RAB27B: variants seen among roughly 807,000 people sequenced by gnomAD.
RAB27B encodes the protein ras-related protein Rab-27B.
RAB27B carries 15 observed loss-of-function variants against 24.6 expected under a neutral mutation model. The ratio of observed to expected loss-of-function variants is 0.61; its 90% CI spans 0.41 to 0.94. The LOEUF (loss-of-function observed/expected upper bound fraction) is 0.94, where lower values mean the gene tolerates loss of function less well. Ranked by LOEUF, RAB27B falls within the 40% of genes least tolerant of loss-of-function variation. The pLI, the probability that RAB27B is intolerant of heterozygous loss-of-function variation, is 0.00. For missense variants in RAB27B, 261 were observed against 266.8 expected (o/e 0.98, Z 0.15); for synonymous variants, 105 against 92.5 (o/e 1.14, Z -0.78).
intron 3 of RAB27B, among the ~76,000 whole-genome samples, chr18:54,883,136 C>T (rs1370690675): frequency 2.6e-5 from 4 of 152,162 alleles, no homozygotes; most frequent in South Asian, 2.1e-4. Context: ...GGAAGAGTGG[C>T]CAGTTTGGTT....
intron 2 of RAB27B, among the ~76,000 whole-genome samples, chr18:54,784,739 A>C (rs888571041): frequency 2.0e-5 from 3 of 152,100 alleles, no homozygotes; most frequent in African/African-American, 7.2e-5. Flanking sequence ...GGTTGATTCC[A>C]TGTCTTTGCT....
At chr18:54,774,629 G>C (rs1223396338) in intron 2 of RAB27B, among the ~76,000 whole-genome samples, 1 of 152,220 alleles carries the variant, frequency 6.6e-6, no homozygotes, top group African/African-American at 2.4e-5. Flanking sequence ...AGATAGCTAA[G>C]TCTTTCATAA....
intron 2 of RAB27B, among the ~76,000 whole-genome samples, chr18:54,767,978 T>A (rs992274987): frequency 2.0e-5 from 3 of 152,082 alleles, no homozygotes; most frequent in Non-Finnish European, 4.4e-5. Flanking sequence ...TAAGAGATAG[T>A]CCCTTCTTCC....
At chr18:54,797,860 T>G (rs1909474696) in intron 2 of RAB27B, among the ~76,000 whole-genome samples, 1 of 152,240 alleles carries the variant, frequency 6.6e-6, no homozygotes, top group South Asian at 2.1e-4. Flanking sequence ...TTTTCTTCCC[T>G]TCTTCAAATG....
chr18:54,867,442 C>CTTTTCTTTTCT (rs1555666326), intron 1 of RAB27B, among the ~76,000 whole-genome samples: 18 of 98,796 alleles, frequency 1.8e-4, no homozygotes, highest in South Asian at 4.0e-4. Flanking sequence ...CTTTTCTTTT[C>CTTTTCTTTTCT]TTTTTTTTTT....
upstream of RAB27B, among the ~76,000 whole-genome samples, chr18:54,827,150 C>G (rs914400517): frequency 5.3e-5 from 8 of 152,182 alleles, no homozygotes; most frequent in African/African-American, 1.9e-4. Context: ...AGCATACATA[C>G]TTTGAAAATC....
chr18:54,773,476 C>T (rs1908617067), intron 2 of RAB27B, among the ~76,000 whole-genome samples: 1 of 152,146 alleles, frequency 6.6e-6, no homozygotes, highest in African/African-American at 2.4e-5. Flanking sequence ...ACCTTAGTTT[C>T]ATTCTATGAT....
At chr18:54,753,227 G>C (rs1907893116) in intron 2 of RAB27B, among the ~76,000 whole-genome samples, 1 of 152,098 alleles carries the variant, frequency 6.6e-6, no homozygotes, top group South Asian at 2.1e-4. Flanking sequence ...GTTTAATTTG[G>C]ACACAATGAA....
intron 1 of RAB27B, among the ~76,000 whole-genome samples, chr18:54,851,891 A>G (rs1446251054): frequency 6.6e-6 from 1 of 152,180 alleles, no homozygotes; most frequent in Non-Finnish European, 1.5e-5. Flanking sequence ...TGACAAATCT[A>G]TACACCTCTT....
chr18:54,777,847 G>C lies in RAB27B; in HGVS notation c.-20+59706G>C, dbSNP rs150998021. 6.0e-3 allele frequency among the ~76,000 whole-genome samples: 734 copies of C among 121,880 alleles called. 2 individuals are homozygous for C. Among genetic ancestry groups the C allele is most frequent in the South Asian group, 0.026 (86 of 3,314 alleles). 80.0% of individuals were successfully genotyped at this position (121,880 alleles called of 152,430 possible). On this transcript the variant is annotated intron_variant, in intron 2 of 4. Coordinates refer to the RAB27B transcript ENST00000586570. ...AAAGTACTTCTTCGGACATAATAGA[G>C]TGGCATCCTCTCTCCCCCCCCACCC...
intron 3 of RAB27B, among the ~76,000 whole-genome samples, chr18:54,882,894 G>C (rs756156532): frequency 3.9e-5 from 6 of 152,268 alleles, no homozygotes; most frequent in Non-Finnish European, 8.8e-5. Flanking sequence ...GGAAGAAATG[G>C]AGTGGTGATA....
chr18:54,869,302 A>G (rs1912372222), intron 1 of RAB27B, among the ~76,000 whole-genome samples: 1 of 152,238 alleles, frequency 6.6e-6, no homozygotes, highest in Non-Finnish European at 1.5e-5. Context: ...CATTGATCTG[A>G]ATGTATCAAT....
intron 2 of RAB27B, among the ~76,000 whole-genome samples, chr18:54,802,506 C>G (rs1017434189): frequency 6.6e-6 from 1 of 152,166 alleles, no homozygotes; most frequent in Non-Finnish European, 1.5e-5. Flanking sequence ...TTTGACTGAA[C>G]GGTCAGCAAC....
intron 2 of RAB27B, among the ~76,000 whole-genome samples, chr18:54,756,877 TC>T (rs1295529297): frequency 6.6e-6 from 1 of 152,188 alleles, no homozygotes; most frequent in East Asian, 1.9e-4. Context: ...TTCCTTTATA[TC>T]TAACTAAAGT....
At chr18:54,762,864 A>G (rs1740800165) in intron 2 of RAB27B, among the ~76,000 whole-genome samples, 1 of 152,172 alleles carries the variant, frequency 6.6e-6, no homozygotes, top group South Asian at 2.1e-4. Flanking sequence ...CTCTGTGGCC[A>G]GGGATTTTTA....
At chr18:54,846,844 T>TTTTGTTTG (rs370822510) in intron 1 of RAB27B, among the ~76,000 whole-genome samples, 1 of 151,988 alleles carries the variant, frequency 6.6e-6, no homozygotes, top group African/African-American at 2.4e-5. Flanking sequence ...TCACATGACT[T>TTTTGTTTG]TTTGTTTGTT....
At chr18:54,758,565 G>T (rs968283716) in intron 2 of RAB27B, among the ~76,000 whole-genome samples, 8 of 151,162 alleles carry the variant, frequency 5.3e-5, no homozygotes, top group Admixed American at 2.0e-4. Context: ...ATCAGAGATG[G>T]CTTTTAAAGG....
chr18:54,823,363 C>G (rs1319854695), intron 2 of RAB27B, among the ~76,000 whole-genome samples: 2 of 152,156 alleles, frequency 1.3e-5, no homozygotes, highest in Non-Finnish European at 1.5e-5. Context: ...TCTGGTGAAG[C>G]CTTCCCTGCA....
At chr18:54,724,108 A>G (rs1214229248) in intron 2 of RAB27B, among the ~76,000 whole-genome samples, 2 of 151,632 alleles carry the variant, frequency 1.3e-5, no homozygotes, top group African/African-American at 2.4e-5. Flanking sequence ...AATGTGGGGA[A>G]TTTTTATTTA....
Sources: allele counts gnomAD v4.1 joint callset (sites outside exome capture counted in the v4.1 genomes callset), GRCh38; gene constraint gnomAD v4.1.1; transcripts MANE v1.5; gene names NCBI Gene and HGNC (gene_info 2026-07-23, HGNC 2026-07-21).